GALNT1: variants seen among roughly 807,000 people sequenced by gnomAD.
GALNT1 encodes GalNAc transferase 1.
Under a neutral mutation model 65.7 loss-of-function variants are expected in GALNT1, and 17 were observed. The ratio of observed to expected loss-of-function variants is 0.26; its 90% CI spans 0.18 to 0.39. GALNT1 has a LOEUF of 0.39. Ranked by LOEUF, GALNT1 falls within the 10% of genes least tolerant of loss-of-function variation. The pLI is 1.00. For synonymous variants in GALNT1, 210 were observed against 219.7 expected, an observed-to-expected ratio of 0.96 and a Z score of 0.39; for missense variants, 460 against 672.8, an observed-to-expected ratio of 0.68 and a Z score of 3.50.
intron 1 of GALNT1, among the ~76,000 whole-genome samples, chr18:35,603,861 G>T (rs1229235339): frequency 1.3e-5 from 2 of 152,130 alleles, no homozygotes; most frequent in Non-Finnish European, 2.9e-5. Flanking sequence ...AAAGCTAAAG[G>T]TATCCCAACT....
chr18:35,609,396 A>G (rs2046689445), intron 1 of GALNT1, among the ~76,000 whole-genome samples: 1 of 152,216 alleles, frequency 6.6e-6, no homozygotes, highest in East Asian at 1.9e-4. Context: ...CTCTTGGGAT[A>G]TGGAAATAGC....
At chr18:35,637,645 CAA>C (rs2047108393) in intron 1 of GALNT1, among the ~76,000 whole-genome samples, 1 of 152,220 alleles carries the variant, frequency 6.6e-6, no homozygotes, top group Non-Finnish European at 1.5e-5. Flanking sequence ...GAAGCTGCAG[CAA>C]GTTATCCAGA....
chr18:35,633,175 C>T (rs79265089), intron 1 of GALNT1, among the ~76,000 whole-genome samples: 15,634 of 152,078 alleles, frequency 0.1, 888 homozygotes, highest in Admixed American at 0.18. Flanking sequence ...ACCATTTGAC[C>T]CAGCCATCCC....
chr18:35,658,653 AG>A (rs1247911628), intron 2 of GALNT1, among the ~76,000 whole-genome samples: 1 of 151,978 alleles, frequency 6.6e-6, no homozygotes, highest in Non-Finnish European at 1.5e-5. Flanking sequence ...AATGGCACCA[AG>A]GATGCCAACT....
At chr18:35,605,771 G>A (rs1210645339) in intron 1 of GALNT1, among the ~76,000 whole-genome samples, 2 of 152,072 alleles carry the variant, frequency 1.3e-5, no homozygotes, top group African/African-American at 4.8e-5. Context: ...TAGCTTTAAG[G>A]TGCTTGCATT....
intron 3 of GALNT1, among the ~76,000 whole-genome samples, chr18:35,669,164 C>T (rs146091941): frequency 3.0e-4 from 46 of 152,122 alleles, no homozygotes; most frequent in African/African-American, 1.1e-3. Flanking sequence ...TGGCATGAGC[C>T]GGGGAGGCGG....
chr18:35,684,774 C>G (rs2047841869), intron 5 of GALNT1, among the ~76,000 whole-genome samples: 1 of 152,204 alleles, frequency 6.6e-6, no homozygotes, highest in South Asian at 2.1e-4. Flanking sequence ...AGTCCAAACA[C>G]TAAAGCCAGC....
chr18:35,621,724 G>T (rs913543573), intron 1 of GALNT1, among the ~76,000 whole-genome samples: 3 of 152,104 alleles, frequency 2.0e-5, no homozygotes, highest in Non-Finnish European at 4.4e-5. Flanking sequence ...GACAATAGTT[G>T]CCTATAGTTT....
chr18:35,687,434 C>T (rs1304289001), intron 6 of GALNT1, among the ~76,000 whole-genome samples: 1 of 152,100 alleles, frequency 6.6e-6, no homozygotes, highest in Non-Finnish European at 1.5e-5. Flanking sequence ...CGTGTTTTTT[C>T]ATTCCTTTAT....
At chr18:35,623,821 G>T (rs2046884886) in intron 1 of GALNT1, among the ~76,000 whole-genome samples, 1 of 152,082 alleles carries the variant, frequency 6.6e-6, no homozygotes, top group Non-Finnish European at 1.5e-5. Flanking sequence ...TTAATTTCTT[G>T]AACATATTTA....
intron 11 of GALNT1, among the ~76,000 whole-genome samples, chr18:35,707,853 C>T (rs2048289500): frequency 6.6e-6 from 1 of 152,218 alleles, no homozygotes; most frequent in African/African-American, 2.4e-5. Flanking sequence ...AGACTGAAGC[C>T]ACTGGCAGCA....
chr18:35,608,460 G>A (rs908134158), intron 1 of GALNT1, among the ~76,000 whole-genome samples: 5 of 152,150 alleles, frequency 3.3e-5, no homozygotes, highest in Non-Finnish European at 7.3e-5. Context: ...CTGTGCCTTG[G>A]TGTGAAAAGA....
chr18:35,686,868 G>C (rs577870198), intron 5 of GALNT1, 148 bp from the exon 6 acceptor site: 13 of 645,282 alleles, frequency 2.0e-5, no homozygotes, highest in Non-Finnish European at 2.5e-5. Flanking sequence ...TTGCACTACT[G>C]CATTCCAGCC....
chr18:35,682,145 T>C (rs2047796188), intron 4 of GALNT1, among the ~76,000 whole-genome samples: 1 of 152,184 alleles, frequency 6.6e-6, no homozygotes, highest in Non-Finnish European at 1.5e-5. Flanking sequence ...ATCACAGTGA[T>C]ATCTTTCAGA....
intron 1 of GALNT1, among the ~76,000 whole-genome samples, chr18:35,582,103 G>T (rs1250712045): frequency 6.6e-6 from 1 of 152,096 alleles, no homozygotes; most frequent in Non-Finnish European, 1.5e-5. Flanking sequence ...GTTTGACATT[G>T]AGTTAGAACC....
At chr18:35,645,216 A>ATTTTTTTTTTTTTTTTT (rs1568022797) in intron 1 of GALNT1, among the ~76,000 whole-genome samples, 1 of 121,098 alleles carries the variant, frequency 8.3e-6, no homozygotes, top group African/African-American at 3.1e-5. Flanking sequence ...GCTATTTTGA[A>ATTTTTTTTTTTTTTTTT]TGTTTTTTTT....
intron 1 of GALNT1, among the ~76,000 whole-genome samples, chr18:35,590,499 A>G (rs2046430552): frequency 6.6e-6 from 1 of 152,232 alleles, no homozygotes; most frequent in African/African-American, 2.4e-5. Flanking sequence ...AGGTTTAAGC[A>G]TCATGGAAGT....
intron 1 of GALNT1, among the ~76,000 whole-genome samples, chr18:35,623,486 G>T (rs547365060): frequency 1.2e-3 from 182 of 152,038 alleles, no homozygotes; most frequent in Middle Eastern, 0.01. Flanking sequence ...ATTTTCAGGG[G>T]TTTTTTTCAT....
At chr18:35,640,741 T>G (rs1368082577) in intron 1 of GALNT1, among the ~76,000 whole-genome samples, 3 of 152,122 alleles carry the variant, frequency 2.0e-5, no homozygotes, top group Non-Finnish European at 4.4e-5. Context: ...TAGGGAGAGA[T>G]AGATCAATAG....
Sources: gnomAD v4.1 joint callset for allele counts (sites outside exome capture counted in the v4.1 genomes callset) on GRCh38, gnomAD v4.1.1 for gene constraint, MANE v1.5 for transcripts, NCBI Gene and HGNC (gene_info 2026-07-23, HGNC 2026-07-21) for gene names.